The following ZNF431 variants were observed in gnomAD, a reference collection of about 807,000 sequenced individuals.
The protein encoded by ZNF431 is zinc finger protein 431.
ZNF431 carries 34 observed loss-of-function variants against 57.0 expected under a neutral mutation model. The observed-to-expected ratio is 0.60, with a 90% confidence interval of 0.45 to 0.79. The LOEUF (loss-of-function observed/expected upper bound fraction) is 0.79. Ranked by LOEUF, ZNF431 falls within the 30% of genes least tolerant of loss-of-function variation. ZNF431 has a pLI of 0.00. For synonymous variants in ZNF431, 207 were observed against 220.3 expected (o/e 0.94, Z 0.54); for missense variants, 607 against 667.1 (o/e 0.91, Z 0.99).
chr19:21,142,407 T>C (rs747770172), intron 1 of ZNF431, among the ~76,000 whole-genome samples: 1 of 152,162 alleles, frequency 6.6e-6, no homozygotes, highest in Non-Finnish European at 1.5e-5. Context: ...ACAGTGACTG[T>C]GCCCTGGCCT....
intron 2 of ZNF431, among the ~76,000 whole-genome samples, chr19:21,153,138 G>A (rs1970321193): frequency 6.6e-6 from 1 of 152,140 alleles, no homozygotes; most frequent in Admixed American, 6.5e-5. Context: ...AACTATCATA[G>A]CACTGGTGGG....
At chr19:21,174,472 C>G (rs1459151425) in intron 4 of ZNF431, among the ~76,000 whole-genome samples, 3 of 152,052 alleles carry the variant, frequency 2.0e-5, no homozygotes, top group Non-Finnish European at 4.4e-5. Context: ...GGTAAATTGA[C>G]TCATTTGACC....
chr19:21,167,255 G>C (rs1970746977), intron 3 of ZNF431, among the ~76,000 whole-genome samples: 1 of 151,770 alleles, frequency 6.6e-6, no homozygotes, highest in Non-Finnish European at 1.5e-5. Context: ...CCGCCTCCCG[G>C]GTCCAAGCAA....
rs2145087268 is a variant in ZNF431, at chr19:21,195,482, T to G, written c.*11448T>G. The G allele has an allele frequency of 6.6e-6, 1 of 152,354 alleles. No homozygotes were observed. The highest frequency in any genetic ancestry group is 1.5e-5 in the Non-Finnish European group (1 of 68,024). The allele number at this position is 152,354 out of a possible 1,614,324, so 9.4% of individuals were successfully genotyped here. ...TTTTTCTTTATGGGCGATTGAATAG[T>G]TGGGCTTTGGCTAATTCCTCATTAG... On this transcript the variant is annotated 3_prime_UTR_variant, in exon 5 of 5. Transcript: ENST00000311048.
intron 2 of ZNF431, chr19:21,150,095 C>T (rs1289341473): frequency 1.1e-5 from 7 of 639,780 alleles, no homozygotes; most frequent in Middle Eastern, 4.4e-4. Context: ...CTTCTCGGCC[C>T]GGGCCAACAG....
At chr19:21,145,694 C>T (rs1170317744) in intron 2 of ZNF431, among the ~76,000 whole-genome samples, 1 of 152,006 alleles carries the variant, frequency 6.6e-6, no homozygotes, top group Non-Finnish European at 1.5e-5. Context: ...GAGGCAGTTT[C>T]TAGGCTTTGG....
rs1312057715 is a variant in ZNF431, at chr19:21,182,669, A to G, written c.366A>G (p.Ile122Met). The G allele has an allele frequency of 6.2e-7, 1 of 1,612,732 alleles. No homozygotes were observed. Among genetic ancestry groups the G allele is most frequent in the Non-Finnish European group, 8.5e-7 (1 of 1,179,562 alleles). Residue 122 changes from isoleucine (I) to methionine (M), a missense_variant, in exon 5 of 5, where the codon ATA (isoleucine) becomes ATG (methionine). Coordinates refer to ENST00000311048, the MANE Select transcript of ZNF431 (RefSeq NM_133473.4). The stretch of plus-strand genomic sequence containing the variant: ...AAGACCTTTGGCCAGAGCAAGACAT[A>G]AAAGATTCTTTTCAACAAGTAATAC... ...FTKDLWPEQDIKDSFQQVILR... is the reference protein window; with the variant it reads ...FTKDLWPEQDMKDSFQQVILR...
chr19:21,168,116 A>G (rs1046805502), intron 4 of ZNF431, among the ~76,000 whole-genome samples: 1 of 152,010 alleles, frequency 6.6e-6, no homozygotes, highest in Admixed American at 6.6e-5. Flanking sequence ...TTTTTTGCAT[A>G]TTTCATCCTG....
chr19:21,160,799 C>T (rs1272966363), intron 2 of ZNF431, among the ~76,000 whole-genome samples: 1 of 152,128 alleles, frequency 6.6e-6, no homozygotes, highest in Non-Finnish European at 1.5e-5. Flanking sequence ...CTCCAGTTTC[C>T]TAGTACTTAG....
chr19:21,154,172 C>T (rs949553397), intron 2 of ZNF431, among the ~76,000 whole-genome samples: 3 of 152,144 alleles, frequency 2.0e-5, no homozygotes, highest in Non-Finnish European at 4.4e-5. Flanking sequence ...ATCCCTCCCC[C>T]CTCCACCCCA....
chr19:21,153,237 T>A (rs1266161006), intron 2 of ZNF431, among the ~76,000 whole-genome samples: 1 of 152,176 alleles, frequency 6.6e-6, no homozygotes, highest in Non-Finnish European at 1.5e-5. Flanking sequence ...CAAACTGTGT[T>A]ATCAGCCAGG....
At chr19:21,147,777 T>C (rs1469159120) in intron 2 of ZNF431, among the ~76,000 whole-genome samples, 5 of 152,178 alleles carry the variant, frequency 3.3e-5, no homozygotes, top group African/African-American at 9.7e-5. Context: ...AGTTATATTA[T>C]CATATTAGTT....
intron 4 of ZNF431, among the ~76,000 whole-genome samples, chr19:21,168,810 C>T (rs1365671354): frequency 1.3e-5 from 2 of 151,986 alleles, no homozygotes; most frequent in African/African-American, 4.8e-5. Context: ...CTGTTTTCTT[C>T]CTCTATTGTA....
At position 21,183,922 on chromosome 19, in the gene ZNF431, A is replaced by G. The variant is rs368492406; in HGVS notation, c.1619A>G (p.Tyr540Cys). 2.5e-6 allele frequency: 4 copies of G among 1,613,748 alleles called. No homozygotes were observed. The highest frequency in any genetic ancestry group is 3.3e-4 in the Middle Eastern group (2 of 6,054). Reference protein sequence around the residue: ...HRKIHTRQKPYNCEECDNTFN... With the variant: ...HRKIHTRQKPCNCEECDNTFN... ...AAAATTCATACTAGACAGAAACCCTACAACTGTGAAGAATGTGACAATACA... is the reference window on the plus strand; with the variant it reads ...AAAATTCATACTAGACAGAAACCCTGCAACTGTGAAGAATGTGACAATACA... Residue 540 changes from tyrosine to cysteine, a missense_variant, in exon 5 of 5, where the codon TAC becomes TGC. Physicochemically the swap from Tyr to Cys is radical, Grantham distance 194. Coordinates refer to ENST00000311048, the MANE Select transcript of ZNF431 (RefSeq NM_133473.4).
intron 4 of ZNF431, among the ~76,000 whole-genome samples, chr19:21,168,126 G>C (rs1970776954): frequency 6.6e-6 from 1 of 151,966 alleles, no homozygotes. Flanking sequence ...ATTTCATCCT[G>C]TTTGTATTAC....
In ZNF431 at chr19:21,142,160, C is replaced by T. The variant is rs757048264; in HGVS notation, c.-24C>T. 1.9e-5 allele frequency: 30 copies of T among 1,612,524 alleles called. No individual in the cohort carries two copies. Among genetic ancestry groups the T allele is most frequent in the Non-Finnish European group, 2.3e-5 (27 of 1,179,072 alleles). Reference sequence around the variant, plus strand: ...TATTGGGAGACCCACAGCTAAGACACCGGGACCCCCTGAAAGCCTAGAAAT... The same window carrying T: ...TATTGGGAGACCCACAGCTAAGACATCGGGACCCCCTGAAAGCCTAGAAAT... On this transcript the variant is annotated 5_prime_UTR_variant, in exon 1 of 5. Transcript: ENST00000311048.
chr19:21,152,820 C>G (rs1006483029), intron 2 of ZNF431, among the ~76,000 whole-genome samples: 6 of 152,124 alleles, frequency 3.9e-5, no homozygotes, highest in Non-Finnish European at 7.3e-5. Flanking sequence ...TCAGAGGTCT[C>G]TTAAGTATAG....
At position 21,191,318 on chromosome 19, in the gene ZNF431, T is replaced by C. The variant is rs1486831332; in HGVS notation, c.*7284T>C. ...AAATACAAATATTAGCCGGGCGTGG[T>C]TGCACGTGTCTATAATCTCAGCTAC... On this transcript the variant is annotated 3_prime_UTR_variant, in exon 5 of 5. Coordinates refer to ENST00000311048, the MANE Select transcript of ZNF431 (RefSeq NM_133473.4). 3 of 152,028 alleles carry C rather than the reference T, an allele frequency of 2.0e-5. No homozygotes were observed. The highest frequency in any genetic ancestry group is 4.4e-5 in the Non-Finnish European group (3 of 68,024). 9.4% of individuals were successfully genotyped at this position (152,028 alleles called of 1,614,324 possible).
chr19:21,158,765 C>G (rs1970494204), intron 2 of ZNF431, among the ~76,000 whole-genome samples: 1 of 152,122 alleles, frequency 6.6e-6, no homozygotes. Context: ...GTCATCTGGA[C>G]ATAAGGATAG....
Sources: allele counts gnomAD v4.1 joint callset (sites outside exome capture counted in the v4.1 genomes callset), GRCh38; gene constraint gnomAD v4.1.1; transcripts MANE v1.5; gene names NCBI Gene and HGNC (gene_info 2026-07-23, HGNC 2026-07-21).